DNAAF9: variants seen among roughly 807,000 people sequenced by gnomAD.
DNAAF9 encodes dynein axonemal assembly factor 9.
In DNAAF9, 90 loss-of-function variants were observed where a neutral mutation model predicts 167.0. That is an observed-to-expected ratio of 0.54 (90% confidence interval 0.45 to 0.64). DNAAF9 has a LOEUF of 0.64. DNAAF9 is among the 30% of genes least tolerant of loss of function. The pLI is 0.00. For synonymous variants in DNAAF9, 491 were observed against 508.8 expected (o/e 0.96, Z 0.47); for missense variants, 1,315 against 1,442.2 (o/e 0.91, Z 1.43).
chr20:3,267,877 C>T (rs1010158279), intron 30 of DNAAF9, among the ~76,000 whole-genome samples: 3 of 151,978 alleles, frequency 2.0e-5, no homozygotes, highest in African/African-American at 4.8e-5. Context: ...CTTCATCTTC[C>T]CCATTTCATA....
At chr20:3,402,993 A>G (rs1454963986) in intron 1 of DNAAF9, among the ~76,000 whole-genome samples, 1 of 152,042 alleles carries the variant, frequency 6.6e-6, no homozygotes, top group Non-Finnish European at 1.5e-5. Flanking sequence ...TTTTTTTATC[A>G]TTTCTTCATG....
At position 3,322,236 on chromosome 20, in the gene DNAAF9, C is replaced by T; in HGVS notation, c.1337G>A (p.Ser446Asn). ...GCTTACCGTCTTCACAAAGGATAAG[C>T]TATCTTCACTGTCCAGCGGTACAAT... Reference protein sequence around the residue: ...GRIVPLDSEDSLSFVKTACMA... With the variant: ...GRIVPLDSEDNLSFVKTACMA... Residue 446 changes from serine to asparagine, a missense_variant, in exon 16 of 37, where the codon AGC becomes AAC. By Grantham distance (46) the Ser-to-Asn change is conservative. This residue lies in a region of DNAAF9 where 981 missense variants were observed against 1,012.5 expected (regional missense o/e 0.97). Transcript: ENST00000252032. 6.2e-7 allele frequency: 1 copy of T among 1,610,766 alleles called. No homozygotes were observed. Among genetic ancestry groups the T allele is most frequent in the Non-Finnish European group, 8.5e-7 (1 of 1,177,824 alleles).
intron 6 of DNAAF9, among the ~76,000 whole-genome samples, chr20:3,364,606 A>G (rs1236048762): frequency 1.3e-5 from 2 of 152,228 alleles, no homozygotes; most frequent in African/African-American, 4.8e-5. Context: ...AAAGCAAGTC[A>G]CACAAATATT....
intron 3 of DNAAF9, among the ~76,000 whole-genome samples, chr20:3,379,833 G>T (rs1468441213): frequency 6.6e-6 from 1 of 151,776 alleles, no homozygotes; most frequent in African/African-American, 2.4e-5. Context: ...GGCCAAGGCG[G>T]GATCACCTGA....
At chr20:3,303,063 C>T (rs2069220339) in intron 21 of DNAAF9, among the ~76,000 whole-genome samples, 1 of 151,916 alleles carries the variant, frequency 6.6e-6, no homozygotes, top group Non-Finnish European at 1.5e-5. Flanking sequence ...ATAGTGAAAC[C>T]CCGTCTCTAC....
intron 6 of DNAAF9, among the ~76,000 whole-genome samples, chr20:3,370,663 C>T (rs944930719): frequency 6.6e-6 from 1 of 152,160 alleles, no homozygotes; most frequent in Non-Finnish European, 1.5e-5. Flanking sequence ...CCGCCTCAGC[C>T]TCCTAAAGTG....
At chr20:3,304,978 T>C (rs550205105) in intron 20 of DNAAF9, among the ~76,000 whole-genome samples, 2 of 152,336 alleles carry the variant, frequency 1.3e-5, no homozygotes, top group South Asian at 4.1e-4. Flanking sequence ...CACTTGGGTC[T>C]CAGCTGAAGA....
chr20:3,382,165 G>A (rs536846469), intron 2 of DNAAF9, among the ~76,000 whole-genome samples: 1 of 152,254 alleles, frequency 6.6e-6, no homozygotes, highest in Admixed American at 6.5e-5. Context: ...CTGGGCAAGA[G>A]GGACATGTCA....
chr20:3,336,267 T>TTG (rs1203058974), intron 10 of DNAAF9, among the ~76,000 whole-genome samples: 1 of 145,086 alleles, frequency 6.9e-6, no homozygotes, highest in Non-Finnish European at 1.5e-5. Context: ...TGTTTTTTTT[T>TTG]TTTTTTTTGC....
rs533124052 is a variant in DNAAF9 at position 3,381,182 on chromosome 20, T to C, written c.283+197A>G. ...TTCTCTAAAGCTGAATTAGTAAATATACTCTGAAAACTACTTGTTGCTACT... is the reference window on the plus strand; with the variant it reads ...TTCTCTAAAGCTGAATTAGTAAATACACTCTGAAAACTACTTGTTGCTACT... On this transcript the variant is annotated intron_variant, in intron 3 of 36. Transcript: ENST00000252032. 2.6e-5 allele frequency among the ~76,000 whole-genome samples: 4 copies of C among 152,358 alleles called. No individual in the cohort carries two copies. In the East Asian group the frequency reaches 5.8e-4, roughly 22 times the overall value.
At chr20:3,282,063 T>C (rs1042061460) in intron 27 of DNAAF9, among the ~76,000 whole-genome samples, 1 of 152,214 alleles carries the variant, frequency 6.6e-6, no homozygotes, top group Non-Finnish European at 1.5e-5. Context: ...GGGTGGGACC[T>C]AGTGTCCTTA....
At chr20:3,272,447 A>G (rs552645646) in intron 29 of DNAAF9, among the ~76,000 whole-genome samples, 2 of 151,738 alleles carry the variant, frequency 1.3e-5, no homozygotes, top group Non-Finnish European at 2.9e-5. Context: ...GACTGGTCTC[A>G]AACTCCTGGG....
Position 3,356,693 on chromosome 20 carries a change from T to C in DNAAF9, c.690+2823A>G, listed in dbSNP as rs576874460. Among the ~76,000 whole-genome samples, 8 of 152,300 alleles carry C rather than the reference T, an allele frequency of 5.3e-5. No homozygotes were observed. The South Asian group carries it at 1.7e-3, about 32-fold the overall frequency. ...AGCTGGACTGTTACAGTCTGTTCTATGTATGTCATTTCAGGACCCACACAT... is the reference window on the plus strand; with the variant it reads ...AGCTGGACTGTTACAGTCTGTTCTACGTATGTCATTTCAGGACCCACACAT... On this transcript the variant is annotated intron_variant, in intron 7 of 36. Transcript: ENST00000252032.
At chr20:3,295,746 A>G in intron 23 of DNAAF9, 1 of 660,362 alleles carries the variant, frequency 1.5e-6, no homozygotes, top group African/African-American at 1.8e-5. Context: ...GTAGTTGTCC[A>G]CTTTATTCTG....
chr20:3,336,268 T>TGTTTG (rs1568612417), intron 10 of DNAAF9, among the ~76,000 whole-genome samples: 7 of 149,510 alleles, frequency 4.7e-5, no homozygotes, highest in African/African-American at 1.7e-4. Flanking sequence ...GTTTTTTTTT[T>TGTTTG]TTTTTTTGCC....
chr20:3,340,433 T>TGCGGGGGGGG, intron 10 of DNAAF9, 71 bp downstream of exon 10: 1 of 221,214 alleles, frequency 4.5e-6, no homozygotes, highest in Non-Finnish European at 9.5e-6. Context: ...TTTGTCTAGC[T>TGCGGGGGGGG]CCCCCCACCC....
chr20:3,377,663 T>C (rs1393731065), intron 3 of DNAAF9, among the ~76,000 whole-genome samples: 3 of 152,042 alleles, frequency 2.0e-5, no homozygotes, highest in Non-Finnish European at 4.4e-5. Flanking sequence ...TTTTGCCATG[T>C]TGCCCAGGCT....
intron 8 of DNAAF9, among the ~76,000 whole-genome samples, chr20:3,344,071 A>G (rs967591650): frequency 6.6e-6 from 1 of 152,246 alleles, no homozygotes; most frequent in Non-Finnish European, 1.5e-5. Flanking sequence ...TACAGTGTTT[A>G]CTGCAAGAAA....
rs970120785 is a variant in DNAAF9, at chr20:3,322,643, T to C, written c.1310+9A>G. On this transcript the variant is annotated intron_variant, in intron 15 of 36. Transcript: ENST00000252032. ...TCCATGTAAGGATGCACCACAATCA[T>C]ATACGCACCTTCCCTGATTATTCAC... 7 of 1,604,740 alleles carry C rather than the reference T, an allele frequency of 4.4e-6. No homozygotes were observed. Among genetic ancestry groups the C allele is most frequent in the South Asian group, 2.2e-5 (2 of 90,914 alleles).
Sources: allele counts gnomAD v4.1 joint callset (sites outside exome capture counted in the v4.1 genomes callset), GRCh38; gene constraint gnomAD v4.1.1; regional missense constraint gnomAD v4.1.1; transcripts MANE v1.5; gene names NCBI Gene and HGNC (gene_info 2026-07-23, HGNC 2026-07-21).